The following SCN1A variants were observed in gnomAD, a reference collection of about 807,000 sequenced individuals.
The protein encoded by SCN1A is sodium channel protein type 1 subunit alpha.
SCN1A carries 13 observed loss-of-function variants against 193.7 expected under a neutral mutation model. The observed-to-expected ratio is 0.07, with a 90% CI of 0.04 to 0.11. SCN1A has a LOEUF of 0.11. Ranked by LOEUF, SCN1A falls within the 10% of genes least tolerant of loss-of-function variation. SCN1A has a pLI of 1.00. For missense variants in SCN1A, 1,432 were observed against 2,451.1 expected, an observed-to-expected ratio of 0.58 and a Z score of 8.78; for synonymous variants, 781 against 843.6, an observed-to-expected ratio of 0.93 and a Z score of 1.29.
chr2:165,995,102 C>A (rs1227935737), intron 27 of SCN1A, among the ~76,000 whole-genome samples: 2 of 151,838 alleles, frequency 1.3e-5, no homozygotes, highest in Non-Finnish European at 2.9e-5. Context: ...TCTGCCACTG[C>A]TAGTCACTGA....
intron 16 of SCN1A, 66 bp downstream of exon 16, chr2:166,041,165 A>T: frequency 8.6e-7 from 1 of 1,168,994 alleles, no homozygotes; most frequent in Non-Finnish European, 1.3e-6. Context: ...ATACACAATT[A>T]AATGTAAACA....
chr2:166,116,270 A>G (rs1689848548), intron 2 of SCN1A, among the ~76,000 whole-genome samples: 1 of 152,232 alleles, frequency 6.6e-6, no homozygotes, highest in South Asian at 2.1e-4. Flanking sequence ...AAAGACCAAT[A>G]GAAACTTCTT....
chr2:166,054,364 T>C (rs1227007849), intron 7 of SCN1A, among the ~76,000 whole-genome samples: 1 of 41,710 alleles, frequency 2.4e-5, no homozygotes, highest in Non-Finnish European at 7.1e-5. Context: ...TTCATATGTG[T>C]GTGTGTTTGT....
At chr2:166,041,832 C>T (rs905272368) in intron 15 of SCN1A, among the ~76,000 whole-genome samples, 1 of 152,138 alleles carries the variant, frequency 6.6e-6, no homozygotes, top group Non-Finnish European at 1.5e-5. Context: ...CATTGTCAAC[C>T]TCAGACTATG....
intron 19 of SCN1A, among the ~76,000 whole-genome samples, chr2:166,033,727 G>A (rs755372981): frequency 2.8e-4 from 43 of 152,066 alleles, no homozygotes; most frequent in Admixed American, 5.2e-4. Context: ...AAAAAGGTTA[G>A]TGTTTCTTTT....
intron 19 of SCN1A, among the ~76,000 whole-genome samples, chr2:166,032,422 A>G (rs377364500): frequency 2.0e-5 from 3 of 152,166 alleles, no homozygotes; most frequent in African/African-American, 7.2e-5. Flanking sequence ...AAGACTCTTC[A>G]TCTATTGGGG....
intron 24 of SCN1A, among the ~76,000 whole-genome samples, chr2:166,000,589 A>G (rs538146393): frequency 6.6e-6 from 1 of 151,850 alleles, no homozygotes; most frequent in African/African-American, 2.4e-5. Context: ...GTATCACAAT[A>G]TATCTTTGTT....
At chr2:166,082,263 A>G (rs1465313146) in intron 2 of SCN1A, among the ~76,000 whole-genome samples, 3 of 152,054 alleles carry the variant, frequency 2.0e-5, no homozygotes, top group African/African-American at 7.2e-5. Flanking sequence ...TCCTACTTTC[A>G]AAATAAATAT....
At chr2:166,117,186 A>AT (rs1036350167) in intron 2 of SCN1A, among the ~76,000 whole-genome samples, 4 of 152,110 alleles carry the variant, frequency 2.6e-5, no homozygotes, top group African/African-American at 9.7e-5. Flanking sequence ...TCTCTCAGTC[A>AT]TTTTTTCAAA....
At chr2:166,001,230 C>T (rs1479803102) in intron 24 of SCN1A, among the ~76,000 whole-genome samples, 1 of 151,706 alleles carries the variant, frequency 6.6e-6, no homozygotes, top group Non-Finnish European at 1.5e-5. Context: ...TCAAGCAATC[C>T]TCCAGCTTTG....
At chr2:165,996,422 G>C in intron 26 of SCN1A, 1 of 264,546 alleles carries the variant, frequency 3.8e-6, no homozygotes, top group Non-Finnish European at 7.3e-6. Flanking sequence ...TTGGTTCACT[G>C]AGATAATAAA....
At chr2:166,060,583 C>T (rs925220595) in intron 4 of SCN1A, 1 of 152,282 alleles carries the variant, frequency 6.6e-6, no homozygotes. Context: ...GATGGCCAGT[C>T]GCAGTGGCTC....
chr2:166,039,963 C>T (rs1475645137), intron 16 of SCN1A, among the ~76,000 whole-genome samples: 1 of 137,670 alleles, frequency 7.3e-6, no homozygotes, highest in East Asian at 2.1e-4. Context: ...GTCAGTCTGT[C>T]GCCCAGGCTG....
At chr2:166,060,137 C>G (rs1683135770) in intron 4 of SCN1A, 1 of 152,276 alleles carries the variant, frequency 6.6e-6, no homozygotes, top group Admixed American at 6.5e-5. Context: ...AGAATAGAGA[C>G]CTCACATCCT....
chr2:166,031,945 T>G (rs1391401725), intron 19 of SCN1A, among the ~76,000 whole-genome samples: 1 of 152,094 alleles, frequency 6.6e-6, no homozygotes, highest in African/African-American at 2.4e-5. Context: ...TTTATAACTG[T>G]GGCCTCACAT....
At position 166,051,941 on chromosome 2, in the gene SCN1A, A is replaced by C; in HGVS notation, c.742T>G (p.Ser248Ala). The C allele has an allele frequency of 6.2e-7, 1 of 1,612,198 alleles. No individual in the cohort carries two copies. The highest frequency in any genetic ancestry group is 8.5e-7 in the Non-Finnish European group (1 of 1,178,690). The change falls in exon 9 of 29, where the codon TCA (serine) becomes GCA (alanine). Residue 248 changes from serine (S) to alanine (A), a missense_variant. By Grantham distance (99) the Ser-to-Ala change is moderately conservative. This residue lies in a region of SCN1A where 123 missense variants were observed against 282.8 expected (regional missense o/e 0.43). Transcript: ENST00000674923. Reference sequence around the variant, plus strand: ...AACACAGTCAGGATCATTACATCTGAGAGCTTCTTCACAGACTGGATCAGG... The same window carrying C: ...AACACAGTCAGGATCATTACATCTGCGAGCTTCTTCACAGACTGGATCAGG... ...GALIQSVKKL[S>A]DVMILTVFCL...
At chr2:166,034,645 T>G (rs187688023) in intron 19 of SCN1A, among the ~76,000 whole-genome samples, 142 of 152,290 alleles carry the variant, frequency 9.3e-4, no homozygotes, top group Middle Eastern at 3.4e-3. Flanking sequence ...TCAAAGTAGG[T>G]TGCTATGGAT....
At chr2:166,139,022 T>C (rs1260571043) in intron 1 of SCN1A, among the ~76,000 whole-genome samples, 1 of 152,170 alleles carries the variant, frequency 6.6e-6, no homozygotes, top group African/African-American at 2.4e-5. Flanking sequence ...GGGTCTGTAG[T>C]TCCTCTGTTT....
In SCN1A at chr2:165,989,076, G is replaced by T. The variant is rs867581151; in HGVS notation, c.*2169C>A. 9.0e-6 allele frequency: 1 copy of T among 111,264 alleles called. No homozygotes were observed. The highest frequency in any genetic ancestry group is 2.0e-5 in the Non-Finnish European group (1 of 49,926). The allele number at this position is 111,264 out of a possible 1,614,324, so 6.9% of individuals were successfully genotyped here. On this transcript the variant is annotated 3_prime_UTR_variant, in exon 29 of 29. Coordinates refer to ENST00000674923, the MANE Select transcript of SCN1A (RefSeq NM_001165963.4). Reference sequence around the variant, plus strand: ...TGTGTGTGTGTGTGTGTGCGCGCGCGCTCCCCTTCTCCCCCAATTTGTAAT... The same window carrying T: ...TGTGTGTGTGTGTGTGTGCGCGCGCTCTCCCCTTCTCCCCCAATTTGTAAT...
Sources: allele counts gnomAD v4.1 joint callset (sites outside exome capture counted in the v4.1 genomes callset), GRCh38; gene constraint gnomAD v4.1.1; regional missense constraint gnomAD v4.1.1; transcripts MANE v1.5; gene names NCBI Gene and HGNC (gene_info 2026-07-23, HGNC 2026-07-21).